Variants in EFHD1 observed in about 807,000 individuals in gnomAD.
EFHD1 encodes EF-hand domain-containing protein D1.
Under a neutral mutation model 17.2 loss-of-function variants are expected in EFHD1, and 10 were observed. The observed-to-expected ratio is 0.58, with a 90% CI of 0.36 to 0.99. The LOEUF (loss-of-function observed/expected upper bound fraction) is 0.99, where lower values mean the gene tolerates loss of function less well. Ranked by LOEUF, EFHD1 falls within the 50% of genes least tolerant of loss-of-function variation. EFHD1 has a pLI of 0.01. For synonymous variants in EFHD1, 153 were observed against 142.0 expected, an observed-to-expected ratio of 1.08 and a Z score of -0.55; for missense variants, 310 against 327.5, an observed-to-expected ratio of 0.95 and a Z score of 0.41.
chr2:232,625,874 A>T (rs752327876), intron 1 of EFHD1, among the ~76,000 whole-genome samples: 11 of 90,680 alleles, frequency 1.2e-4, no homozygotes, highest in Non-Finnish European at 1.9e-4. Context: ...CTCCTCATTT[A>T]AAAAAAAATT....
chr2:232,643,953 A>G (rs1182932874), intron 1 of EFHD1, among the ~76,000 whole-genome samples: 2 of 152,224 alleles, frequency 1.3e-5, no homozygotes, highest in African/African-American at 4.8e-5. Flanking sequence ...GGCCAAATGC[A>G]TAGGTCTTTC....
At chr2:232,677,242 G>GCACACACACA (rs1695193267) in intron 3 of EFHD1, among the ~76,000 whole-genome samples, 1 of 93,700 alleles carries the variant, frequency 1.1e-5, no homozygotes, top group Non-Finnish European at 2.1e-5. Context: ...ACACACACAC[G>GCACACACACA]TACACACACA....
At chr2:232,674,593 G>A (rs987436287) in intron 3 of EFHD1, among the ~76,000 whole-genome samples, 1 of 152,130 alleles carries the variant, frequency 6.6e-6, no homozygotes, top group East Asian at 1.9e-4. Flanking sequence ...CTTACAGCTC[G>A]TTATGTTTAT....
At chr2:232,647,448 G>T (rs755507575) in intron 1 of EFHD1, among the ~76,000 whole-genome samples, 4 of 152,180 alleles carry the variant, frequency 2.6e-5, no homozygotes, top group Admixed American at 6.5e-5. Flanking sequence ...CCCTCTGGCC[G>T]TTTCCTTCCC....
intron 1 of EFHD1, chr2:232,611,848 G>GCCCCCGACTTGTGCAGGTT (rs1693820987): frequency 6.6e-6 from 1 of 152,218 alleles, no homozygotes. Flanking sequence ...GGACCATGTT[G>GCCCCCGACTTGTGCAGGTT]CCCCCGACTT....
In EFHD1 at chr2:232,662,760, A is replaced by G. The variant is rs201189916; in HGVS notation, c.303-42A>G. On this transcript the variant is annotated intron_variant, in intron 1 of 3. Transcript: ENST00000264059. Reference sequence around the variant, plus strand: ...GAATTACATGTTTCGGAGACTAACGAGTGTCCTTTCATCCCGGTCATGCAT... The same window carrying G: ...GAATTACATGTTTCGGAGACTAACGGGTGTCCTTTCATCCCGGTCATGCAT... 4.5e-6 allele frequency: 7 copies of G among 1,552,530 alleles called. No homozygotes were observed. The African/African-American group carries it at 8.5e-5, about 19-fold the overall frequency.
Position 232,633,838 on chromosome 2 carries a change from G to C in EFHD1, c.134G>C (p.Arg45Pro). 1 of 1,484,858 alleles carries C rather than the reference G, an allele frequency of 6.7e-7. No individual in the cohort carries two copies. Among genetic ancestry groups the C allele is most frequent in the Non-Finnish European group, 8.9e-7 (1 of 1,126,744 alleles). 92.0% of individuals were successfully genotyped at this position (1,484,858 alleles called of 1,614,324 possible). The change falls in exon 1 of 4, where the codon CGT (arginine) becomes CCT (proline). Residue 45 changes from arginine (R) to proline (P), a missense_variant. Arg to Pro is a moderately radical substitution (Grantham distance 103, BLOSUM62 -2). Transcript: ENST00000264059. The stretch of plus-strand genomic sequence containing the variant: ...AAGCCCGAGCCCGAGCCTCCCGCCC[G>C]TGCGCCCACGGCCAGCGCCGACGCG... ...EPKPEPEPPARAPTASADAEL... is the reference protein window; with the variant it reads ...EPKPEPEPPAPAPTASADAEL...
chr2:232,637,924 T>C (rs1326804876), intron 1 of EFHD1, among the ~76,000 whole-genome samples: 1 of 152,162 alleles, frequency 6.6e-6, no homozygotes, highest in Non-Finnish European at 1.5e-5. Context: ...CTTGGAGTGG[T>C]GTCCTTTGTG....
intron 2 of EFHD1, among the ~76,000 whole-genome samples, chr2:232,665,103 G>A (rs1158759269): frequency 1.3e-5 from 2 of 152,104 alleles, no homozygotes; most frequent in African/African-American, 2.4e-5. Flanking sequence ...TTTTATAAAG[G>A]GTCTTATTCT....
At chr2:232,672,478 C>A in intron 3 of EFHD1, 35 bp downstream of exon 3, 1 of 1,551,656 alleles carries the variant, frequency 6.4e-7, no homozygotes, top group Non-Finnish European at 8.7e-7. Context: ...GGAGCAACCA[C>A]TCCCAGCCTT....
At chr2:232,636,397 C>T (rs2106194831) in intron 1 of EFHD1, among the ~76,000 whole-genome samples, 1 of 152,246 alleles carries the variant, frequency 6.6e-6, no homozygotes, top group East Asian at 1.9e-4. Context: ...ACAGGACCTG[C>T]CATGTGGGGT....
chr2:232,623,705 AAGAAGAAG>A (rs1694060065), intron 1 of EFHD1, among the ~76,000 whole-genome samples: 2 of 126,822 alleles, frequency 1.6e-5, no homozygotes, highest in African/African-American at 6.5e-5. Context: ...GAAGAAGAAG[AAGAAGAAG>A]AAGAAAGAAA....
chr2:232,642,777 C>A (rs949042555), intron 1 of EFHD1, among the ~76,000 whole-genome samples: 2 of 152,114 alleles, frequency 1.3e-5, no homozygotes, highest in East Asian at 1.9e-4. Context: ...TCACCTCCAG[C>A]TGTTCCCGAG....
chr2:232,668,110 C>A (rs1328436754), intron 2 of EFHD1, among the ~76,000 whole-genome samples: 47 of 152,246 alleles, frequency 3.1e-4, no homozygotes, highest in Non-Finnish European at 5.4e-4. Context: ...TCTTTCTTCA[C>A]AGTCACAGCT....
At chr2:232,645,687 C>T (rs952825819) in intron 1 of EFHD1, among the ~76,000 whole-genome samples, 1 of 152,176 alleles carries the variant, frequency 6.6e-6, no homozygotes, top group African/African-American at 2.4e-5. Context: ...CCTAACAGCC[C>T]CACTGACTGT....
In EFHD1 at chr2:232,672,370, C is replaced by T. The variant is rs754035093; in HGVS notation, c.512C>T (p.Ala171Val). Reference sequence around the variant, plus strand: ...CTGCAGGAGGACAGTGGGCTGATGGCGCTGGCAAAGCTTTCTGAGATCGAT... The same window carrying T: ...CTGCAGGAGGACAGTGGGCTGATGGTGCTGGCAAAGCTTTCTGAGATCGAT... ...GELQEDSGLM[A>V]LAKLSEIDVA... The change falls in exon 3 of 4, where the codon GCG becomes GTG. Residue 171 changes from alanine (A) to valine (V), a missense_variant. Coordinates refer to ENST00000264059, the MANE Select transcript of EFHD1 (RefSeq NM_025202.4). The T allele has an allele frequency of 1.1e-5, 18 of 1,613,916 alleles. No homozygotes were observed. Among genetic ancestry groups the T allele is most frequent in the Middle Eastern group, 1.6e-4 (1 of 6,084 alleles).
Position 232,633,674 on chromosome 2 carries a change from C to G in EFHD1, c.-31C>G, listed in dbSNP as rs1386666951. On this transcript the variant is annotated 5_prime_UTR_variant, in exon 1 of 4. Transcript: ENST00000264059. ...AGCTCCCTGCGTCCCGTCCCGCGTC[C>G]CCGCGTTCCCGCGTCCTGCGATCCG... 4 of 1,402,650 alleles carry G rather than the reference C, an allele frequency of 2.9e-6. No individual in the cohort carries two copies. The highest frequency in any genetic ancestry group is 3.7e-6 in the Non-Finnish European group (4 of 1,089,424). 86.9% of individuals were successfully genotyped at this position (1,402,650 alleles called of 1,614,324 possible). A position where few individuals can be genotyped will look rare whatever the true frequency, so the allele number is the denominator to read the frequency against.
chr2:232,633,817 C>T lies in EFHD1; in HGVS notation c.113C>T (p.Pro38Leu), dbSNP rs755879908. The part of the protein sequence containing the change: ...PLGAPAPEPK[P>L]EPEPPARAPT... Reference sequence around the variant, plus strand: ...GGCGCCCCAGCCCCGGAGCCCAAGCCCGAGCCCGAGCCTCCCGCCCGTGCG... The same window carrying T: ...GGCGCCCCAGCCCCGGAGCCCAAGCTCGAGCCCGAGCCTCCCGCCCGTGCG... The change falls in exon 1 of 4, where the codon CCC becomes CTC. Residue 38 changes from proline (P) to leucine (L), a missense_variant. Transcript: ENST00000264059. The T allele has an allele frequency of 6.8e-7, 1 of 1,473,158 alleles. No homozygotes were observed. Among genetic ancestry groups the T allele is most frequent in the Non-Finnish European group, 8.9e-7 (1 of 1,121,566 alleles). 91.3% of individuals were successfully genotyped at this position (1,473,158 alleles called of 1,614,324 possible).
chr2:232,654,780 C>T (rs1487932154), intron 1 of EFHD1, among the ~76,000 whole-genome samples: 1 of 152,174 alleles, frequency 6.6e-6, no homozygotes, highest in Non-Finnish European at 1.5e-5. Context: ...CCTCTTGTCC[C>T]TCACATGTGA....
Sources: allele counts gnomAD v4.1 joint callset (sites outside exome capture counted in the v4.1 genomes callset), GRCh38; gene constraint gnomAD v4.1.1; transcripts MANE v1.5; gene names NCBI Gene and HGNC (gene_info 2026-07-23, HGNC 2026-07-21).